The following PIDD1 variants were observed in gnomAD, a reference collection of about 807,000 sequenced individuals.
PIDD1 encodes p53-induced death domain protein 1.
PIDD1 carries 72 observed loss-of-function variants against 80.0 expected under a neutral mutation model. That is an observed-to-expected ratio of 0.90 (90% CI 0.74 to 1.09). The LOEUF is 1.09. PIDD1 is among the 50% of genes least tolerant of loss of function. PIDD1 has a pLI of 0.00. For synonymous variants in PIDD1, 655 were observed against 543.5 expected (o/e 1.21, Z -2.85); for missense variants, 1,329 against 1,228.3 (o/e 1.08, Z -1.23).
chr11:800,438 AC>A lies in PIDD1; in HGVS notation c.2054del (p.Cys685LeufsTer14). ...GIDVDADRPD[C>X]VEGRICFVFY... ...AGACAAAGCAGATTCTGCCCTCCAC[AC>A]AGTCAGGGCGGTCTAGGGGACAGGG... On this transcript the variant is annotated frameshift_variant, in exon 13 of 16. Coordinates refer to ENST00000347755, the MANE Select transcript of PIDD1 (RefSeq NM_145886.4). LOFTEE classifies it high-confidence loss of function. The A allele has an allele frequency of 6.8e-7, 1 of 1,476,522 alleles. No homozygotes were observed. Among genetic ancestry groups the A allele is most frequent in the Non-Finnish European group, 9.3e-7 (1 of 1,070,382 alleles). The allele number at this position is 1,476,522 out of a possible 1,614,324, so 91.5% of individuals were successfully genotyped here. A position where few individuals can be genotyped will look rare whatever the true frequency, so the allele number is the denominator to read the frequency against.
rs749373385 is a variant in PIDD1, at chr11:804,393, C to T, written c.-5G>A. 1.9e-6 allele frequency: 3 copies of T among 1,581,558 alleles called. No individual in the cohort carries two copies. Among genetic ancestry groups the T allele is most frequent in the Non-Finnish European group, 1.7e-6 (2 of 1,162,050 alleles). ...CCCCTCCACCGTTGCAGCCATCGCC[C>T]ACCGACGGTCCTTGGAGGCCAGACA... On this transcript the variant is annotated 5_prime_UTR_variant, in exon 2 of 16. Transcript: ENST00000347755.
rs1340385895 is a variant in PIDD1 at position 804,102 on chromosome 11, A to G, written c.287T>C (p.Val96Ala). The G allele has an allele frequency of 6.2e-7, 1 of 1,608,654 alleles. No homozygotes were observed. The highest frequency in any genetic ancestry group is 8.5e-7 in the Non-Finnish European group (1 of 1,176,536). ...PQSLSCLRSLVLKGGQRRDTL... is the reference protein window; with the variant it reads ...PQSLSCLRSLALKGGQRRDTL... ...GAACAGGTGGAACTCACCTTTGAGG[A>G]CCAGGGAGCGGAGGCAGGACAGGCT... Residue 96 changes from valine to alanine, a missense_variant, in exon 2 of 16, where the codon GTC (valine) becomes GCC (alanine). By Grantham distance (64) the Val-to-Ala change is moderately conservative. Transcript: ENST00000347755.
Position 801,464 on chromosome 11 carries a change from G to A in PIDD1, c.1463C>T (p.Pro488Leu). 1.3e-6 allele frequency: 2 copies of A among 1,545,750 alleles called. No individual in the cohort carries two copies. Among genetic ancestry groups the A allele is most frequent in the South Asian group, 1.2e-5 (1 of 81,576 alleles). Residue 488 changes from proline (P) to leucine (L), a missense_variant, in exon 8 of 16, where the codon CCT becomes CTT. Pro to Leu is a moderately conservative substitution (Grantham distance 98). Transcript: ENST00000347755. ...VIFPPGATEE[P>L]RRVSMQVVRM... ...CCATACCTGCATGGAGACTCGACGA[G>A]GCTCCTCAGTGGCCCCAGGGGGGAA...
At position 801,448 on chromosome 11, in the gene PIDD1, C is replaced by T; in HGVS notation, c.1479G>A (p.Met493Ile). 3.2e-6 allele frequency: 5 copies of T among 1,549,322 alleles called. No individual in the cohort carries two copies. The highest frequency in any genetic ancestry group is 4.4e-6 in the Non-Finnish European group (5 of 1,145,784). Residue 493 changes from methionine to isoleucine, a missense_variant, in exon 8 of 16, where the codon ATG becomes ATA. Physicochemically the swap from Met to Ile is conservative, Grantham distance 10. Transcript: ENST00000347755. ...GATEEPRRVS[M>I]QVVRMAGREL... is the part of the protein sequence containing the mutation. Reference sequence around the variant, plus strand: ...CTCAGTGCTGTCCTGGCCATACCTGCATGGAGACTCGACGAGGCTCCTCAG... The same window carrying T: ...CTCAGTGCTGTCCTGGCCATACCTGTATGGAGACTCGACGAGGCTCCTCAG...
chr11:806,978 G>A (rs1865804579), upstream of PIDD1, among the ~76,000 whole-genome samples: 1 of 152,314 alleles, frequency 6.6e-6, no homozygotes, highest in Non-Finnish European at 1.5e-5. Context: ...CATCACTTGA[G>A]GTCAGGAGTT....
In PIDD1 at chr11:800,341, G is replaced by A. The variant is rs551604416; in HGVS notation, c.2152C>T (p.Arg718Trp). The change falls in exon 13 of 16, where the codon CGG (arginine) becomes TGG (tryptophan). Residue 718 changes from arginine to tryptophan, a missense_variant. Coordinates refer to ENST00000347755, the MANE Select transcript of PIDD1 (RefSeq NM_145886.4). ...CCACTCCCCTCGCCCACCTGGCCCC[G>A]CACAGCCTGAGCCTCCCGGTCCAGA... ...TTLDREAQAV[R>W]GQVSFYRGAV... The A allele has an allele frequency of 1.2e-5, 19 of 1,612,768 alleles. No individual in the cohort carries two copies. In the Admixed American group the frequency reaches 1.3e-4, roughly 11 times the overall value.
rs963145832 is a variant in PIDD1 at position 804,225 on chromosome 11, A to C, written c.164T>G (p.Val55Gly). The change falls in exon 2 of 16, where the codon GTC (valine) becomes GGC (glycine). Residue 55 changes from valine (V) to glycine (G), a missense_variant. Val to Gly is a moderately radical substitution (Grantham distance 109). Transcript: ENST00000347755. ...CTGCAGCAGCTGCAGAGGCTGCTGG[A>C]CACACAGGTGCAGCAGCTGCTGGCA... is the stretch of plus-strand genomic sequence containing the variant. Reference protein sequence around the residue: ...GGCQQLLHLCVQQPLQLLQVE... With the variant: ...GGCQQLLHLCGQQPLQLLQVE... 18 of 1,613,040 alleles carry C rather than the reference A, an allele frequency of 1.1e-5. No individual in the cohort carries two copies. Among genetic ancestry groups the C allele is most frequent in the Admixed American group, 1.7e-5 (1 of 60,008 alleles).
chr11:802,905 C>T lies in PIDD1; in HGVS notation c.710-14G>A, dbSNP rs1201642672. 1 of 1,549,642 alleles carries T rather than the reference C, an allele frequency of 6.5e-7. No individual in the cohort carries two copies. Among genetic ancestry groups the T allele is most frequent in the Non-Finnish European group, 8.7e-7 (1 of 1,146,732 alleles). Reference sequence around the variant, plus strand: ...ACCGAAGTCCCGCTGCGGGCAGTTGCTGGCTTAGGCTTGGCACCAGCCCAG... The same window carrying T: ...ACCGAAGTCCCGCTGCGGGCAGTTGTTGGCTTAGGCTTGGCACCAGCCCAG... On this transcript the variant is annotated splice_polypyrimidine_tract_variant and intron_variant, in intron 3 of 15. Coordinates refer to ENST00000347755, the MANE Select transcript of PIDD1 (RefSeq NM_145886.4).
chr11:803,947 G>A (rs996253661), intron 2 of PIDD1, 147 bp downstream of exon 2: 1 of 897,600 alleles, frequency 1.1e-6, no homozygotes. Context: ...GGGCTGGACA[G>A]GACCAAGAGC....
upstream of PIDD1, among the ~76,000 whole-genome samples, chr11:807,257 G>A (rs983463288): frequency 2.6e-5 from 4 of 151,554 alleles, no homozygotes; most frequent in South Asian, 4.2e-4. Context: ...TTGGGAGGCC[G>A]AGGCGGGTGG....
intron 15 of PIDD1, 91 bp from the exon 16 acceptor site, chr11:799,656 G>C: frequency 6.9e-7 from 1 of 1,453,338 alleles, no homozygotes; most frequent in African/African-American, 1.4e-5. Flanking sequence ...GGAGTTCCCG[G>C]CTCCTGGGGC....
At position 799,979 on chromosome 11, in the gene PIDD1, AG is replaced by A; in HGVS notation, c.2309del (p.Ala770ValfsTer8). The A allele has an allele frequency of 6.2e-7, 1 of 1,612,834 alleles. No individual in the cohort carries two copies. Among genetic ancestry groups the A allele is most frequent in the East Asian group, 2.2e-5 (1 of 44,882 alleles). ...LRGSEGPRRGAGLSLAPLNLG... is the reference protein window; with the variant it reads ...LRGSEGPRRGXGLSLAPLNLG... ...GATTCAAGGGTGCCAAGGAGAGGCC[AG>A]CCCCCCGCCGTGGCCCCTCGGACCC... On this transcript the variant is annotated frameshift_variant, in exon 15 of 16. Transcript: ENST00000347755. LOFTEE classifies it high-confidence loss of function.
Position 801,239 on chromosome 11 carries a change from G to T in PIDD1, c.1609C>A (p.Pro537Thr). The T allele has an allele frequency of 6.4e-7, 1 of 1,560,838 alleles. No individual in the cohort carries two copies. Among genetic ancestry groups the T allele is most frequent in the Non-Finnish European group, 8.7e-7 (1 of 1,150,658 alleles). Reference protein sequence around the residue: ...SFLQPVTVQLPLPSGITGLSL... With the variant: ...SFLQPVTVQLTLPSGITGLSL... ...TCACCTGTGATGCCAGAGGGCAGAG[G>T]CAGCTGCACGGTGACCGGTTGGAGG... The change falls in exon 9 of 16, where the codon CCT (proline) becomes ACT (threonine). Residue 537 changes from proline to threonine, a missense_variant. Transcript: ENST00000347755.
upstream of PIDD1, chr11:805,540 T>C (rs1230845890): frequency 1.1e-6 from 1 of 889,576 alleles, no homozygotes; most frequent in East Asian, 1.2e-4. Flanking sequence ...CCCGGGCCGC[T>C]CCGAGGCAGA....
intron 2 of PIDD1, 147 bp from the exon 3 acceptor site, chr11:803,734 C>A: frequency 1.1e-6 from 1 of 921,236 alleles, no homozygotes; most frequent in Non-Finnish European, 1.6e-6. Flanking sequence ...CAGACAGAAA[C>A]ACTGGAGAGG....
In PIDD1 at chr11:800,113, G is replaced by A. The variant is rs1456197982; in HGVS notation, c.2274+18C>T. On this transcript the variant is annotated intron_variant, in intron 14 of 15. Coordinates refer to ENST00000347755, the MANE Select transcript of PIDD1 (RefSeq NM_145886.4). ...GGCCTCGGTCCTGCCCCGCCCCTCTGCTGTCCCTCAGTCCCACCGGCAGCT... is the reference window on the plus strand; with the variant it reads ...GGCCTCGGTCCTGCCCCGCCCCTCTACTGTCCCTCAGTCCCACCGGCAGCT... The A allele has an allele frequency of 6.2e-7, 1 of 1,607,720 alleles. No homozygotes were observed. The highest frequency in any genetic ancestry group is 1.3e-5 in the African/African-American group (1 of 74,872).
chr11:802,693 G>C lies in PIDD1; in HGVS notation c.908C>G (p.Pro303Arg). The change falls in exon 4 of 16, where the codon CCG (proline) becomes CGG (arginine). Residue 303 changes from proline (P) to arginine (R), a missense_variant. Physicochemically the swap from Pro to Arg is moderately radical, Grantham distance 103. Coordinates refer to ENST00000347755, the MANE Select transcript of PIDD1 (RefSeq NM_145886.4). ...AGCACCAAGCCTACCTGGTGAACTC[G>C]GGGCGTCTGGCGAGGCCTCACCCAG... ...NPLGEASPDA[P>R]SSPVAALIPE... The C allele has an allele frequency of 1.2e-6, 2 of 1,610,370 alleles. No homozygotes were observed. Among genetic ancestry groups the C allele is most frequent in the Non-Finnish European group, 1.7e-6 (2 of 1,178,356 alleles).
At position 800,472 on chromosome 11, in the gene PIDD1, G is replaced by A. The variant is rs1443636734; in HGVS notation, c.2042-21C>T. On this transcript the variant is annotated intron_variant, in intron 12 of 15. Coordinates refer to ENST00000347755, the MANE Select transcript of PIDD1 (RefSeq NM_145886.4). ...GCGGTCTAGGGGACAGGGGTGGGCT[G>A]AGCAAGGAGGGCTCGGGGAGGACGG... 2.5e-6 allele frequency: 4 copies of A among 1,611,534 alleles called. No individual in the cohort carries two copies. The Admixed American group carries it at 6.7e-5, about 27-fold the overall frequency.
rs747620551 is a variant in PIDD1 at position 799,456 on chromosome 11, G to C, written c.2584C>G (p.Arg862Gly). 4.3e-6 allele frequency: 7 copies of C among 1,610,178 alleles called. No individual in the cohort carries two copies. The South Asian group carries it at 5.5e-5, about 13-fold the overall frequency. The change falls in exon 16 of 16, where the codon CGG becomes GGG. Residue 862 changes from arginine (R) to glycine (G), a missense_variant. Transcript: ENST00000347755. ...LLVQALEQSD[R>G]QDVAEEVRAV... ...CGCACCTCTTCAGCCACGTCCTGCCGGTCACTCTGCTCCAGGGCCTGCACC... is the reference window on the plus strand; with the variant it reads ...CGCACCTCTTCAGCCACGTCCTGCCCGTCACTCTGCTCCAGGGCCTGCACC...
Sources: gnomAD v4.1 joint callset for allele counts (sites outside exome capture counted in the v4.1 genomes callset) on GRCh38, gnomAD v4.1.1 for gene constraint, MANE v1.5 for transcripts, NCBI Gene and HGNC (gene_info 2026-07-23, HGNC 2026-07-21) for gene names.